Variants in SLC9A1 observed in about 807,000 individuals in gnomAD.
SLC9A1 encodes the protein sodium/hydrogen exchanger 1.
Under a neutral mutation model 67.9 loss-of-function variants are expected in SLC9A1, and 22 were observed. The observed-to-expected ratio is 0.32, with a 90% CI of 0.23 to 0.46. SLC9A1 has a LOEUF of 0.46. SLC9A1 is among the 20% of genes least tolerant of loss of function. The pLI is 1.00. For missense variants in SLC9A1, 686 were observed against 1,094.8 expected, an observed-to-expected ratio of 0.63 and a Z score of 5.27; for synonymous variants, 421 against 471.8, an observed-to-expected ratio of 0.89 and a Z score of 1.40.
intron 4 of SLC9A1, 124 bp downstream of exon 4, chr1:27,107,524 C>T (rs1007740336): frequency 4.1e-6 from 3 of 730,102 alleles, no homozygotes; most frequent in Admixed American, 4.2e-5. Flanking sequence ...CACATGCACA[C>T]ACCACATAGC....
intron 1 of SLC9A1, among the ~76,000 whole-genome samples, chr1:27,116,498 G>A (rs1224009470): frequency 6.6e-6 from 1 of 152,186 alleles, no homozygotes; most frequent in African/African-American, 2.4e-5. Flanking sequence ...TCCATCCTAG[G>A]CCAAGAGGAC....
At chr1:27,128,981 C>T (rs560398285) in intron 1 of SLC9A1, among the ~76,000 whole-genome samples, 1 of 152,222 alleles carries the variant, frequency 6.6e-6, no homozygotes, top group East Asian at 1.9e-4. Context: ...AACAAACAAA[C>T]AAATGCATGC....
intron 1 of SLC9A1, among the ~76,000 whole-genome samples, chr1:27,128,619 T>G (rs1347446040): frequency 2.9e-5 from 4 of 136,444 alleles, no homozygotes; most frequent in African/African-American, 1.1e-4. Flanking sequence ...TCATGCCAAC[T>G]GCACTCTATC....
chr1:27,151,680 C>T (rs2083529261), intron 1 of SLC9A1, among the ~76,000 whole-genome samples: 2 of 152,132 alleles, frequency 1.3e-5, no homozygotes, highest in Admixed American at 6.6e-5. Context: ...CCCTTTTATA[C>T]ATGAGGAAAC....
rs139240410 is a variant in SLC9A1, at chr1:27,138,627, G to T, written c.352+15356C>A. 6.8e-3 allele frequency among the ~76,000 whole-genome samples: 1,034 copies of T among 152,170 alleles called. 9 individuals carry two copies. Among genetic ancestry groups the T allele is most frequent in the Middle Eastern group, 0.017 (5 of 294 alleles). On this transcript the variant is annotated intron_variant, in intron 1 of 11. Coordinates refer to ENST00000263980, the MANE Select transcript of SLC9A1 (RefSeq NM_003047.5). ...CTAGGGCCTGAAGGAGAGCACCGGCGCGAGGCAGTCTATGGGCAGTGCTCC... is the reference window on the plus strand; with the variant it reads ...CTAGGGCCTGAAGGAGAGCACCGGCTCGAGGCAGTCTATGGGCAGTGCTCC...
chr1:27,116,282 C>T (rs1284071469), intron 1 of SLC9A1, among the ~76,000 whole-genome samples: 1 of 152,090 alleles, frequency 6.6e-6, no homozygotes, highest in Non-Finnish European at 1.5e-5. Flanking sequence ...ATTGCTTGAA[C>T]ACAGGAGGTA....
intron 2 of SLC9A1, among the ~76,000 whole-genome samples, chr1:27,112,925 T>G (rs150609978): frequency 6.7e-6 from 1 of 148,820 alleles, no homozygotes; most frequent in Non-Finnish European, 1.5e-5. Flanking sequence ...CACAGAGGTA[T>G]AGCATTTGCT....
intron 1 of SLC9A1, among the ~76,000 whole-genome samples, chr1:27,147,354 T>C (rs1392656497): frequency 9.1e-6 from 1 of 110,066 alleles, no homozygotes; most frequent in South Asian, 3.0e-4. Flanking sequence ...TAGCTGGGGG[T>C]GGTGGCGCAT....
intron 1 of SLC9A1, among the ~76,000 whole-genome samples, chr1:27,142,155 A>G (rs923863676): frequency 2.6e-5 from 4 of 152,134 alleles, no homozygotes; most frequent in African/African-American, 4.8e-5. Flanking sequence ...AGGTTTGCCA[A>G]TGCTACCAAT....
intron 1 of SLC9A1, among the ~76,000 whole-genome samples, chr1:27,124,211 C>T (rs915711204): frequency 3.3e-5 from 5 of 151,986 alleles, no homozygotes; most frequent in Admixed American, 3.3e-4. Flanking sequence ...AACAGAGGCT[C>T]AGTAAGAGAG....
intron 1 of SLC9A1, among the ~76,000 whole-genome samples, chr1:27,123,526 A>G (rs1009162194): frequency 2.0e-5 from 3 of 151,248 alleles, no homozygotes; most frequent in African/African-American, 7.3e-5. Context: ...TTTTTTAGAC[A>G]GAGTCTCGCT....
intron 2 of SLC9A1, among the ~76,000 whole-genome samples, chr1:27,111,875 A>G (rs1435895349): frequency 6.6e-6 from 1 of 152,188 alleles, no homozygotes; most frequent in African/African-American, 2.4e-5. Flanking sequence ...GAACACCAGC[A>G]ATCACTACCA....
At position 27,102,740 on chromosome 1, in the gene SLC9A1, G is replaced by A. The variant is rs959068000; in HGVS notation, c.1579C>T (p.Leu527=). ...TCGATGCCTGTCAGAAGGTGGTCCA[G>A]GAACTGAAAGGGGCCCAGGGCCAAG... ...SINEEIHTQF[L]DHLLTGIEDI... Residue 527 remains leucine, a synonymous_variant, in exon 7 of 12, where the codon CTG becomes TTG. Coordinates refer to ENST00000263980, the MANE Select transcript of SLC9A1 (RefSeq NM_003047.5). The A allele has an allele frequency of 1.2e-6, 2 of 1,613,524 alleles. No individual in the cohort carries two copies. The highest frequency in any genetic ancestry group is 1.7e-5 in the Admixed American group (1 of 59,972).
intron 1 of SLC9A1, among the ~76,000 whole-genome samples, chr1:27,150,768 C>G (rs1342909781): frequency 6.6e-6 from 1 of 152,128 alleles, no homozygotes; most frequent in East Asian, 1.9e-4. Flanking sequence ...CAGCTCCCAC[C>G]CTGCTCCTCC....
chr1:27,150,660 G>C (rs1349046899), intron 1 of SLC9A1, among the ~76,000 whole-genome samples: 1 of 152,066 alleles, frequency 6.6e-6, no homozygotes, highest in African/African-American at 2.4e-5. Context: ...CTGACTGCTG[G>C]GGAGAGAAAA....
intron 1 of SLC9A1, among the ~76,000 whole-genome samples, chr1:27,153,554 G>A (rs1000195153): frequency 1.3e-5 from 2 of 152,164 alleles, no homozygotes; most frequent in Non-Finnish European, 2.9e-5. Flanking sequence ...CCTGGAACAC[G>A]CTCCAGTGAA....
intron 3 of SLC9A1, among the ~76,000 whole-genome samples, chr1:27,108,123 G>A (rs1414572763): frequency 6.8e-6 from 1 of 147,234 alleles, no homozygotes; most frequent in African/African-American, 2.5e-5. Flanking sequence ...CTGGAGAGCA[G>A]TGGCGCGATC....
chr1:27,109,732 C>T lies in SLC9A1; in HGVS notation c.859G>A (p.Gly287Ser), dbSNP rs145043085. 1.8e-4 allele frequency: 290 copies of T among 1,614,038 alleles called. No individual in the cohort carries two copies. Among genetic ancestry groups the T allele is most frequent in the Non-Finnish European group, 1.8e-4 (217 of 1,180,016 alleles). Residue 287 changes from glycine (G) to serine (S), a missense_variant, in exon 3 of 12, where the codon GGC becomes AGC. By Grantham distance (56) the Gly-to-Ser change is moderately conservative. Transcript: ENST00000263980. This position sits in a 1 kb window ranked among gnomAD's most constrained non-coding sequence, Gnocchi z 5.5. ...FEEFANYEHV[G>S]IVDIFLGFLS... ...AAGCCGAGGAAGATGTCCACGATGCCCACGTGTTCGTAGTTGGCAAACTCC... is the reference window on the plus strand; with the variant it reads ...AAGCCGAGGAAGATGTCCACGATGCTCACGTGTTCGTAGTTGGCAAACTCC...
chr1:27,120,406 G>A (rs542942501), intron 1 of SLC9A1, among the ~76,000 whole-genome samples: 74 of 151,700 alleles, frequency 4.9e-4, no homozygotes, highest in African/African-American at 1.4e-3. Context: ...GATTACAGGC[G>A]TGAGCCACCG....
Sources: gnomAD v4.1 joint callset for allele counts (sites outside exome capture counted in the v4.1 genomes callset) on GRCh38, gnomAD v4.1.1 for gene constraint, Gnocchi (gnomAD v3.1) non-coding constraint, MANE v1.5 for transcripts, NCBI Gene and HGNC (gene_info 2026-07-23, HGNC 2026-07-21) for gene names.